VMP1: variants seen among roughly 807,000 people sequenced by gnomAD.
VMP1 encodes the protein vacuole membrane protein 1.
Under a neutral mutation model 56.0 loss-of-function variants are expected in VMP1, and 11 were observed. The observed-to-expected ratio is 0.20, with a 90% CI of 0.12 to 0.32. VMP1 has a LOEUF of 0.32. VMP1 is among the 10% of genes least tolerant of loss of function. The probability of loss-of-function intolerance (pLI) is 1.00; values close to 1 mark genes in which losing one functional copy is unlikely to be tolerated. For synonymous variants in VMP1, 149 were observed against 165.0 expected, an observed-to-expected ratio of 0.90 and a Z score of 0.74; for missense variants, 296 against 490.3, an observed-to-expected ratio of 0.60 and a Z score of 3.74.
In VMP1 at chr17:59,841,393, C is replaced by T. The variant is rs1473356540; in HGVS notation, c.*1482C>T. On this transcript the variant is annotated 3_prime_UTR_variant, in exon 12 of 12. Transcript: ENST00000262291. ...CCAATGTTCTCATTTAAACATTACC[C>T]AGCATCATTGTTTATAATCAGAAAC... 3 of 459,602 alleles carry T rather than the reference C, an allele frequency of 6.5e-6. No homozygotes were observed. The highest frequency in any genetic ancestry group is 1.4e-5 in the Non-Finnish European group (3 of 207,298). The allele number at this position is 459,602 out of a possible 1,614,324, so 28.5% of individuals were successfully genotyped here. A position where few individuals can be genotyped will look rare whatever the true frequency, so the allele number is the denominator to read the frequency against.
chr17:59,784,417 CT>C (rs1382758722), intron 7 of VMP1, among the ~76,000 whole-genome samples: 1 of 152,032 alleles, frequency 6.6e-6, no homozygotes, highest in Non-Finnish European at 1.5e-5. Flanking sequence ...CTTCCTACCC[CT>C]ACCTCACCCC....
In VMP1 at chr17:59,811,882, T is replaced by C. The variant is rs763712221; in HGVS notation, c.912+96T>C. On this transcript the variant is annotated intron_variant, in intron 9 of 11. Transcript: ENST00000262291. ...CTAAGTGAATTATTTAGTTATTCTT[T>C]CTGCTTTTTTGGTTGGTAGCTTACT... is the stretch of plus-strand genomic sequence containing the variant. 1.0e-3 allele frequency: 929 copies of C among 922,808 alleles called. 1 individual carries two copies. Among genetic ancestry groups the C allele is most frequent in the Non-Finnish European group, 1.4e-3 (812 of 595,588 alleles). 57.2% of individuals were successfully genotyped at this position (922,808 alleles called of 1,614,324 possible). A position where few individuals can be genotyped will look rare whatever the true frequency, so the allele number is the denominator to read the frequency against.
At chr17:59,808,929 T>C in intron 8 of VMP1, 53 bp downstream of exon 8, 1 of 1,486,756 alleles carries the variant, frequency 6.7e-7, no homozygotes, top group South Asian at 1.1e-5. Context: ...TGTTATATTT[T>C]GATCCATATA....
At position 59,841,781 on chromosome 17, in the gene VMP1, AGAAAG is replaced by A. The variant is rs997444904; in HGVS notation, c.*1876_*1880del. 1.3e-5 allele frequency: 2 copies of A among 152,270 alleles called. No homozygotes were observed. The highest frequency in any genetic ancestry group is 2.4e-5 in the African/African-American group (1 of 41,438). The allele number at this position is 152,270 out of a possible 1,614,324, so 9.4% of individuals were successfully genotyped here. On this transcript the variant is annotated 3_prime_UTR_variant, in exon 12 of 12. Coordinates refer to ENST00000262291, the MANE Select transcript of VMP1 (RefSeq NM_030938.5). ...TGCATTTTATTTGGTGTTTGTCTGAAGAAAGGAAAGAGGAAAGCAAATACGAATTG... is the reference window on the plus strand; with the variant it reads ...TGCATTTTATTTGGTGTTTGTCTGAAGAAAGAGGAAAGCAAATACGAATTG...
intron 1 of VMP1, among the ~76,000 whole-genome samples, chr17:59,711,979 A>C (rs2033950310): frequency 6.6e-6 from 1 of 152,140 alleles, no homozygotes; most frequent in Non-Finnish European, 1.5e-5. Context: ...GCTTTTTTTC[A>C]AATTCTAGCT....
rs10491164 is a variant in VMP1 at position 59,838,652 on chromosome 17, G to T, written c.1077+255G>T. On this transcript the variant is annotated intron_variant, in intron 11 of 11. Coordinates refer to ENST00000262291, the MANE Select transcript of VMP1 (RefSeq NM_030938.5). ...GTAATGGTTCTGTTACATAGAATGA[G>T]TTGTTGCCTTGATCTTAAATGATGT... is the stretch of plus-strand genomic sequence containing the variant. 393 of 431,484 alleles carry T rather than the reference G, an allele frequency of 9.1e-4. 1 individual carries two copies. Among genetic ancestry groups the T allele is most frequent in the African/African-American group, 7.4e-3 (373 of 50,232 alleles). 26.7% of individuals were successfully genotyped at this position (431,484 alleles called of 1,614,324 possible).
At chr17:59,773,953 G>A in intron 7 of VMP1, 68 bp downstream of exon 7, 1 of 1,308,094 alleles carries the variant, frequency 7.6e-7, no homozygotes, top group Non-Finnish European at 9.9e-7. Flanking sequence ...AGGTAAAATT[G>A]TTAGTAGTTA....
At chr17:59,789,863 G>A (rs1156890171) in intron 7 of VMP1, among the ~76,000 whole-genome samples, 1 of 56,344 alleles carries the variant, frequency 1.8e-5, no homozygotes, top group Non-Finnish European at 3.1e-5. Context: ...TTTTTGAGAC[G>A]GAGTCTCCCT....
intron 7 of VMP1, among the ~76,000 whole-genome samples, chr17:59,780,380 C>T (rs899362705): frequency 6.6e-6 from 1 of 152,138 alleles, no homozygotes; most frequent in Non-Finnish European, 1.5e-5. Context: ...CACTTGAGGT[C>T]AGGAGTTCGA....
chr17:59,783,992 G>T (rs2036916302), intron 7 of VMP1, among the ~76,000 whole-genome samples: 1 of 151,912 alleles, frequency 6.6e-6, no homozygotes, highest in South Asian at 2.1e-4. Context: ...TTCATTACTT[G>T]GCCCCAACCT....
intron 5 of VMP1, among the ~76,000 whole-genome samples, chr17:59,751,988 T>C (rs1159558213): frequency 6.6e-6 from 1 of 151,960 alleles, no homozygotes; most frequent in Non-Finnish European, 1.5e-5. Context: ...TGGGTTTTTT[T>C]TAGGGGTAGA....
intron 5 of VMP1, among the ~76,000 whole-genome samples, chr17:59,753,412 C>T (rs1345581467): frequency 6.6e-6 from 1 of 152,082 alleles, no homozygotes; most frequent in East Asian, 1.9e-4. Context: ...AAAACAGGAA[C>T]TTTGGTACTT....
chr17:59,733,667 T>C (rs1598307922), intron 2 of VMP1, among the ~76,000 whole-genome samples: 1 of 152,072 alleles, frequency 6.6e-6, no homozygotes, highest in East Asian at 1.9e-4. Flanking sequence ...ATGCTACCAC[T>C]GCACCCCAGC....
At chr17:59,795,748 A>C (rs146870478) in intron 7 of VMP1, among the ~76,000 whole-genome samples, 1 of 152,178 alleles carries the variant, frequency 6.6e-6, no homozygotes, top group Non-Finnish European at 1.5e-5. Flanking sequence ...TGCTTATCAT[A>C]AGGTCTGATT....
intron 7 of VMP1, among the ~76,000 whole-genome samples, chr17:59,803,022 G>T (rs942785681): frequency 3.3e-5 from 5 of 152,336 alleles, no homozygotes; most frequent in African/African-American, 1.2e-4. Context: ...TGGGATTACA[G>T]GCATGAGCCA....
intron 7 of VMP1, among the ~76,000 whole-genome samples, chr17:59,805,032 T>C (rs748609650): frequency 6.6e-6 from 1 of 152,214 alleles, no homozygotes; most frequent in Non-Finnish European, 1.5e-5. Flanking sequence ...TAGATGACTT[T>C]CACTCTTTTT....
intron 1 of VMP1, among the ~76,000 whole-genome samples, chr17:59,715,586 G>A (rs1222786019): frequency 1.3e-5 from 2 of 152,244 alleles, no homozygotes; most frequent in Middle Eastern, 3.4e-3. Context: ...TGGGGACACA[G>A]AGCCAAACCG....
rs941103734 is a variant in VMP1 at position 59,840,692 on chromosome 17, CTTTCT to C, written c.*785_*789del. 3.3e-5 allele frequency: 5 copies of C among 152,480 alleles called. No individual in the cohort carries two copies. The highest frequency in any genetic ancestry group is 7.3e-5 in the Non-Finnish European group (5 of 68,040). The allele number at this position is 152,480 out of a possible 1,614,324, so 9.4% of individuals were successfully genotyped here. A position where few individuals can be genotyped will look rare whatever the true frequency, so the allele number is the denominator to read the frequency against. On this transcript the variant is annotated 3_prime_UTR_variant, in exon 12 of 12. Transcript: ENST00000262291. ...CCACCTACAACAAGAATTTCTTAAGCTTTCTTTTATTTGCATGAGAGAGCCACTAC... is the reference window on the plus strand; with the variant it reads ...CCACCTACAACAAGAATTTCTTAAGCTTTATTTGCATGAGAGAGCCACTAC...
In VMP1 at chr17:59,712,419, A is replaced by T. The variant is rs1382203673; in HGVS notation, c.-27+4671A>T. 3.3e-5 allele frequency among the ~76,000 whole-genome samples: 5 copies of T among 152,308 alleles called. No individual in the cohort carries two copies. In the East Asian group the frequency reaches 9.6e-4, roughly 29 times the overall value. On this transcript the variant is annotated intron_variant, in intron 1 of 11. Coordinates refer to ENST00000262291, the MANE Select transcript of VMP1 (RefSeq NM_030938.5). ...ATTATCTGTGTAAGCCATAACACAG[A>T]ATTTGGCAATTGAAACTTTTGATGT...
Sources: gnomAD v4.1 joint callset for allele counts (sites outside exome capture counted in the v4.1 genomes callset) on GRCh38, gnomAD v4.1.1 for gene constraint, MANE v1.5 for transcripts, NCBI Gene and HGNC (gene_info 2026-07-23, HGNC 2026-07-21) for gene names.